Variants in IKZF2 observed in about 807,000 individuals in gnomAD.
IKZF2 encodes the protein zinc finger protein Helios.
IKZF2 carries 15 observed loss-of-function variants against 49.2 expected under a neutral mutation model. The ratio of observed to expected loss-of-function variants is 0.30; its 90% CI spans 0.20 to 0.47. IKZF2 has a LOEUF of 0.47. IKZF2 is among the 20% of genes least tolerant of loss of function. The probability of loss-of-function intolerance (pLI) is 1.00; values close to 1 mark genes in which losing one functional copy is unlikely to be tolerated. For synonymous variants in IKZF2, 227 were observed against 221.4 expected (o/e 1.03, Z -0.23); for missense variants, 567 against 664.6 (o/e 0.85, Z 1.61).
At chr2:213,115,215 G>C (rs1307944368) in intron 4 of IKZF2, among the ~76,000 whole-genome samples, 2 of 152,146 alleles carry the variant, frequency 1.3e-5, no homozygotes, top group Non-Finnish European at 2.9e-5. Context: ...TTTAATCAAT[G>C]TCAGGCACTG....
At chr2:213,098,884 G>C (rs1045338672) in intron 4 of IKZF2, among the ~76,000 whole-genome samples, 19 of 152,090 alleles carry the variant, frequency 1.2e-4, no homozygotes, top group African/African-American at 4.6e-4. Context: ...ACACATGCAG[G>C]CACTTGTTTC....
chr2:213,084,541 A>C (rs73077250), intron 4 of IKZF2, among the ~76,000 whole-genome samples: 1,926 of 152,196 alleles, frequency 0.013, 36 homozygotes, highest in African/African-American at 0.044. Context: ...CAAGGTCTAC[A>C]AAAAGGTTTC....
At chr2:213,056,811 G>C in intron 5 of IKZF2, 22 bp downstream of exon 5, 1 of 1,613,094 alleles carries the variant, frequency 6.2e-7, no homozygotes, top group South Asian at 1.1e-5. Flanking sequence ...GCAGTCATCA[G>C]GTTATTCTTT....
rs1352777385 is a variant in IKZF2, at chr2:213,086,485, A to G, written c.140-29386T>C. Among the ~76,000 whole-genome samples, 3 of 152,238 alleles carry G rather than the reference A, an allele frequency of 2.0e-5. No homozygotes were observed. The East Asian group carries it at 5.8e-4, about 29-fold the overall frequency. On this transcript the variant is annotated intron_variant, in intron 4 of 8. Coordinates refer to ENST00000434687, the MANE Select transcript of IKZF2 (RefSeq NM_001387220.1). Reference sequence around the variant, plus strand: ...GGACAAGATGAATGTGTGTGGCTGAAGGGAAGCAAAAGTGATCCTGATCCC... The same window carrying G: ...GGACAAGATGAATGTGTGTGGCTGAGGGGAAGCAAAAGTGATCCTGATCCC...
intron 4 of IKZF2, among the ~76,000 whole-genome samples, chr2:213,060,976 G>A (rs1455233405): frequency 1.3e-5 from 2 of 151,332 alleles, no homozygotes; most frequent in Non-Finnish European, 3.0e-5. Context: ...AAAAGCTTCA[G>A]GATATAAACA....
chr2:213,149,523 A>C (rs2061199324), intron 2 of IKZF2, among the ~76,000 whole-genome samples: 2 of 152,150 alleles, frequency 1.3e-5, no homozygotes, highest in Non-Finnish European at 2.9e-5. Flanking sequence ...TTAAGAATTG[A>C]CAAGTCCTGA....
chr2:213,107,559 G>A (rs910628059), intron 4 of IKZF2, among the ~76,000 whole-genome samples: 9 of 152,186 alleles, frequency 5.9e-5, no homozygotes, highest in African/African-American at 1.9e-4. Context: ...AATAGGGAAG[G>A]TATGTAAATC....
intron 4 of IKZF2, among the ~76,000 whole-genome samples, chr2:213,124,254 A>ACGCGCG (rs1325589066): frequency 1.4e-5 from 1 of 73,462 alleles, no homozygotes; most frequent in Admixed American, 1.1e-4. Context: ...GCGCGCGCGC[A>ACGCGCG]CACACACACA....
intron 6 of IKZF2, among the ~76,000 whole-genome samples, chr2:213,026,323 T>C (rs551313152): frequency 6.6e-6 from 1 of 152,296 alleles, no homozygotes; most frequent in African/African-American, 2.4e-5. Context: ...TTGACCCTCA[T>C]GCTTAGAACA....
At chr2:213,134,247 C>T (rs2060576662) in intron 4 of IKZF2, among the ~76,000 whole-genome samples, 1 of 152,156 alleles carries the variant, frequency 6.6e-6, no homozygotes. Flanking sequence ...ATATCAAGTT[C>T]CTTCTTCATT....
chr2:213,008,128 A>C, intron 8 of IKZF2, 44 bp from the exon 9 acceptor site: 1 of 1,398,158 alleles, frequency 7.2e-7, no homozygotes, highest in Non-Finnish European at 9.6e-7. Context: ...AAAAAAAAAA[A>C]TACAACAACA....
chr2:213,083,803 C>A (rs1005344528), intron 4 of IKZF2, among the ~76,000 whole-genome samples: 2 of 150,618 alleles, frequency 1.3e-5, no homozygotes, highest in African/African-American at 4.9e-5. Flanking sequence ...TCTCCCATCA[C>A]CCCCAGACTA....
At chr2:213,083,526 G>C (rs922849525) in intron 4 of IKZF2, among the ~76,000 whole-genome samples, 4 of 145,030 alleles carry the variant, frequency 2.8e-5, no homozygotes, top group African/African-American at 1.0e-4. Flanking sequence ...TGGGATTACA[G>C]ACATGCGCCA....
At chr2:213,053,018 C>A (rs1261342855) in intron 5 of IKZF2, among the ~76,000 whole-genome samples, 3 of 151,878 alleles carry the variant, frequency 2.0e-5, no homozygotes, top group Non-Finnish European at 4.4e-5. Context: ...ATCAATGTGC[C>A]CTTTTTGAGT....
chr2:213,103,943 T>C (rs2059435519), intron 4 of IKZF2, among the ~76,000 whole-genome samples: 1 of 152,202 alleles, frequency 6.6e-6, no homozygotes, highest in African/African-American at 2.4e-5. Flanking sequence ...AGTGATGATA[T>C]ATTACATAAA....
At chr2:213,040,327 T>G (rs1699505716) in intron 6 of IKZF2, among the ~76,000 whole-genome samples, 1 of 151,912 alleles carries the variant, frequency 6.6e-6, no homozygotes, top group Non-Finnish European at 1.5e-5. Context: ...GATTCTCTCC[T>G]TCGTCCCACC....
chr2:213,080,485 T>C (rs960052146), intron 4 of IKZF2, among the ~76,000 whole-genome samples: 4 of 152,100 alleles, frequency 2.6e-5, no homozygotes, highest in Non-Finnish European at 5.9e-5. Flanking sequence ...ACTGCAACTA[T>C]TATAATTCAG....
intron 4 of IKZF2, among the ~76,000 whole-genome samples, chr2:213,124,240 T>TCGCGCGCGCA (rs1553599602): frequency 1.2e-4 from 14 of 118,334 alleles, no homozygotes; most frequent in African/African-American, 4.8e-4. Flanking sequence ...ACACATGCGC[T>TCGCGCGCGCA]CGCGCGCGCG....
At chr2:213,089,295 C>G (rs1031993471) in intron 4 of IKZF2, among the ~76,000 whole-genome samples, 4 of 152,184 alleles carry the variant, frequency 2.6e-5, no homozygotes, top group Admixed American at 1.3e-4. Context: ...TGCTCCTGCT[C>G]TAGTTGGATA....
Sources: allele counts gnomAD v4.1 joint callset (sites outside exome capture counted in the v4.1 genomes callset), GRCh38; gene constraint gnomAD v4.1.1; transcripts MANE v1.5; gene names NCBI Gene and HGNC (gene_info 2026-07-23, HGNC 2026-07-21).